TCF7L1: variants seen among roughly 807,000 people sequenced by gnomAD.
TCF7L1 encodes transcription factor 7-like 1.
In TCF7L1, 18 loss-of-function variants were observed where a neutral mutation model predicts 63.7. The observed-to-expected ratio is 0.28, with a 90% confidence interval of 0.20 to 0.42. The LOEUF (loss-of-function observed/expected upper bound fraction) is 0.42, where lower values mean the gene tolerates loss of function less well. Among genes scored for constraint, TCF7L1 ranks in the 10% least tolerant of loss-of-function variants. The pLI, the probability that TCF7L1 is intolerant of heterozygous loss-of-function variation, is 1.00. For synonymous variants in TCF7L1, 355 were observed against 340.9 expected (o/e 1.04, Z -0.46); for missense variants, 654 against 779.3 (o/e 0.84, Z 1.91).
At chr2:85,308,061 C>A (rs1175990377) in intron 11 of TCF7L1, among the ~76,000 whole-genome samples, 1 of 152,148 alleles carries the variant, frequency 6.6e-6, no homozygotes, top group African/African-American at 2.4e-5. Flanking sequence ...AGCACATGAG[C>A]CCCTGACATC....
At chr2:85,188,016 G>A (rs947355599) in intron 3 of TCF7L1, among the ~76,000 whole-genome samples, 7 of 152,094 alleles carry the variant, frequency 4.6e-5, no homozygotes, top group Admixed American at 1.3e-4. Flanking sequence ...GATGCTGAAC[G>A]AAAAAGTCAG....
intron 3 of TCF7L1, among the ~76,000 whole-genome samples, chr2:85,221,931 TAAAAAA>T (rs58252836): frequency 7.0e-6 from 1 of 142,010 alleles, no homozygotes; most frequent in Non-Finnish European, 1.5e-5. Context: ...AATCCAGACT[TAAAAAA>T]AAAAAAAACT....
At position 85,309,201 on chromosome 2, in the gene TCF7L1, C is replaced by T; in HGVS notation, c.1506C>T (p.Pro502=). ...PAATHSEQAQ[P]LSLTTKPETR... ...CCACCCATTCGGAGCAAGCCCAGCC[C>T]CTCTCCCTCACCACCAAACCAGAAA... The change falls in exon 12 of 12, where the codon CCC becomes CCT. Residue 502 remains proline, a synonymous_variant. Coordinates refer to ENST00000282111, the MANE Select transcript of TCF7L1 (RefSeq NM_031283.3). 6.2e-7 allele frequency: 1 copy of T among 1,614,106 alleles called. No individual in the cohort carries two copies. Among genetic ancestry groups the T allele is most frequent in the Non-Finnish European group, 8.5e-7 (1 of 1,180,028 alleles).
intron 3 of TCF7L1, among the ~76,000 whole-genome samples, chr2:85,145,963 G>A (rs936643655): frequency 6.6e-6 from 1 of 151,652 alleles, no homozygotes. Flanking sequence ...CTTCCACCTC[G>A]ACCTCCCAAA....
At chr2:85,173,917 A>G (rs1241696740) in intron 3 of TCF7L1, among the ~76,000 whole-genome samples, 1 of 152,002 alleles carries the variant, frequency 6.6e-6, no homozygotes, top group East Asian at 1.9e-4. Flanking sequence ...TTGTATTTTT[A>G]GTAGAGACAA....
chr2:85,151,025 A>G (rs1678002117), intron 3 of TCF7L1, among the ~76,000 whole-genome samples: 1 of 152,220 alleles, frequency 6.6e-6, no homozygotes, highest in African/African-American at 2.4e-5. Context: ...ATACTAAATA[A>G]GGTGAAAGTA....
chr2:85,168,946 TG>T (rs1678483389), intron 3 of TCF7L1, among the ~76,000 whole-genome samples: 1 of 152,146 alleles, frequency 6.6e-6, no homozygotes, highest in African/African-American at 2.4e-5. Flanking sequence ...AAACTAAACT[TG>T]TGGCAGGAGG....
At chr2:85,196,676 T>G (rs78786618) in intron 3 of TCF7L1, among the ~76,000 whole-genome samples, 1 of 152,204 alleles carries the variant, frequency 6.6e-6, no homozygotes, top group Non-Finnish European at 1.5e-5. Context: ...AGCCCGGACT[T>G]TATAAGGTTC....
chr2:85,204,348 C>T (rs192202851), intron 3 of TCF7L1, among the ~76,000 whole-genome samples: 4 of 121,992 alleles, frequency 3.3e-5, no homozygotes, highest in East Asian at 5.8e-4. Context: ...TCAGTACATA[C>T]GCGCTTACCT....
chr2:85,185,960 A>ATTAT (rs1678911556), intron 3 of TCF7L1, among the ~76,000 whole-genome samples: 1 of 94,642 alleles, frequency 1.1e-5, no homozygotes, highest in Non-Finnish European at 2.0e-5. Flanking sequence ...AACACAGGGG[A>ATTAT]TTTTTTTTTT....
chr2:85,185,233 C>T (rs548689621), intron 3 of TCF7L1, among the ~76,000 whole-genome samples: 6 of 151,944 alleles, frequency 3.9e-5, no homozygotes, highest in Non-Finnish European at 2.9e-5. Flanking sequence ...GCCAGGCCAG[C>T]GTTTGAACTC....
At chr2:85,308,991 G>C in intron 11 of TCF7L1, 38 bp from the exon 12 acceptor site, 2 of 1,548,328 alleles carry the variant, frequency 1.3e-6, no homozygotes, top group Non-Finnish European at 1.7e-6. Context: ...CTCTCACAGA[G>C]CTATAGCTGC....
At chr2:85,182,463 C>A (rs1263119595) in intron 3 of TCF7L1, among the ~76,000 whole-genome samples, 1 of 152,156 alleles carries the variant, frequency 6.6e-6, no homozygotes, top group Non-Finnish European at 1.5e-5. Context: ...CCCATTGTAG[C>A]ATACCAGCCA....
chr2:85,167,637 G>C (rs1004682974), intron 3 of TCF7L1, among the ~76,000 whole-genome samples: 2 of 152,210 alleles, frequency 1.3e-5, no homozygotes, highest in African/African-American at 4.8e-5. Flanking sequence ...GTTGAGGCAG[G>C]AAGATCACTT....
At chr2:85,223,932 TC>T (rs1679902146) in intron 3 of TCF7L1, among the ~76,000 whole-genome samples, 1 of 152,082 alleles carries the variant, frequency 6.6e-6, no homozygotes, top group Non-Finnish European at 1.5e-5. Flanking sequence ...ACACTATCCC[TC>T]CCCCAGCCCC....
intron 3 of TCF7L1, among the ~76,000 whole-genome samples, chr2:85,281,749 C>G (rs1332584571): frequency 6.6e-6 from 1 of 152,204 alleles, no homozygotes; most frequent in Non-Finnish European, 1.5e-5. Context: ...CTTGGCCCAT[C>G]CCATGTGCTA....
chr2:85,261,123 G>GGGGT (rs1194613521), intron 3 of TCF7L1, among the ~76,000 whole-genome samples: 1,199 of 106,764 alleles, frequency 0.011, 12 homozygotes, highest in Non-Finnish European at 0.014. Context: ...AATTATTGCT[G>GGGGT]GTGTGTGTGT....
rs761490633 is a variant in TCF7L1, at chr2:85,283,491, G to A, written c.442-4G>A. The A allele has an allele frequency of 1.2e-6, 2 of 1,614,056 alleles. No individual in the cohort carries two copies. Among genetic ancestry groups the A allele is most frequent in the Non-Finnish European group, 1.7e-6 (2 of 1,180,004 alleles). ...CAGCTTTTTCTTTTCTGTTCCCTGT[G>A]CAGTACCTGCAGATGAAATGGCCCC... On this transcript the variant is annotated splice_region_variant and splice_polypyrimidine_tract_variant and intron_variant, in intron 3 of 11. Coordinates refer to ENST00000282111, the MANE Select transcript of TCF7L1 (RefSeq NM_031283.3).
intron 3 of TCF7L1, 137 bp from the exon 4 acceptor site, chr2:85,283,358 G>A: frequency 2.5e-6 from 2 of 809,608 alleles, no homozygotes; most frequent in Non-Finnish European, 4.2e-6. Context: ...AATTGACCCA[G>A]TACAGGGCAT....
Sources: allele counts gnomAD v4.1 joint callset (sites outside exome capture counted in the v4.1 genomes callset), GRCh38; gene constraint gnomAD v4.1.1; transcripts MANE v1.5; gene names NCBI Gene and HGNC (gene_info 2026-07-23, HGNC 2026-07-21).